The following PAWR variants were observed in gnomAD, a reference collection of about 807,000 sequenced individuals.
The protein encoded by PAWR is pro-apoptotic WT1 regulator, also known as PRKC apoptosis WT1 regulator protein.
PAWR carries 23 observed loss-of-function variants against 32.0 expected under a neutral mutation model. The ratio of observed to expected loss-of-function variants is 0.72; its 90% confidence interval spans 0.52 to 1.02. The LOEUF (loss-of-function observed/expected upper bound fraction) is 1.02, where lower values mean the gene tolerates loss of function less well. Ranked by LOEUF, PAWR falls within the 50% of genes least tolerant of loss-of-function variation. The pLI is 0.00. For synonymous variants in PAWR, 226 were observed against 187.1 expected (o/e 1.21, Z -1.70); for missense variants, 457 against 437.7 (o/e 1.04, Z -0.39).
chr12:79,647,574 T>A (rs534876863), intron 2 of PAWR, among the ~76,000 whole-genome samples: 28 of 152,288 alleles, frequency 1.8e-4, no homozygotes, highest in African/African-American at 6.7e-4. Flanking sequence ...GACAGGAGGA[T>A]AACTAGCAGC....
chr12:79,614,639 G>T (rs962755081), intron 3 of PAWR, among the ~76,000 whole-genome samples: 1 of 152,136 alleles, frequency 6.6e-6, no homozygotes, highest in African/African-American at 2.4e-5. Context: ...AAAATCAAAT[G>T]ATGTCTTTAA....
intron 2 of PAWR, among the ~76,000 whole-genome samples, chr12:79,682,695 T>C (rs938147100): frequency 1.3e-5 from 2 of 152,232 alleles, no homozygotes; most frequent in Admixed American, 6.5e-5. Context: ...TATTTTTACA[T>C]AGCCTAAGGA....
At chr12:79,659,304 A>C (rs1417230933) in intron 2 of PAWR, among the ~76,000 whole-genome samples, 2 of 152,182 alleles carry the variant, frequency 1.3e-5, no homozygotes, top group Non-Finnish European at 2.9e-5. Flanking sequence ...AAAGAAAAAA[A>C]AAAAAATCTA....
chr12:79,674,208 T>A (rs923202009), intron 2 of PAWR, among the ~76,000 whole-genome samples: 5 of 152,078 alleles, frequency 3.3e-5, no homozygotes, highest in Non-Finnish European at 5.9e-5. Context: ...AACAGACACA[T>A]GGACCAATGG....
At chr12:79,645,065 C>CACACACAT (rs1348098657) in intron 2 of PAWR, among the ~76,000 whole-genome samples, 1 of 151,782 alleles carries the variant, frequency 6.6e-6, no homozygotes, top group East Asian at 1.9e-4. Flanking sequence ...CACACACACA[C>CACACACAT]ACAAAAATCA....
intron 4 of PAWR, among the ~76,000 whole-genome samples, chr12:79,611,403 C>T (rs1309229811): frequency 6.6e-6 from 1 of 150,566 alleles, no homozygotes; most frequent in East Asian, 1.9e-4. Context: ...ACATGTGATG[C>T]CAAATTTCTA....
chr12:79,626,452 G>GGGTTCACC (rs1201685544), intron 2 of PAWR, among the ~76,000 whole-genome samples: 1 of 150,902 alleles, frequency 6.6e-6, no homozygotes, highest in Non-Finnish European at 1.5e-5. Flanking sequence ...GTAGATATGA[G>GGGTTCACC]GGTTCACCAT....
intron 2 of PAWR, among the ~76,000 whole-genome samples, chr12:79,635,267 TGGG>T (rs1256752849): frequency 6.6e-6 from 1 of 152,136 alleles, no homozygotes; most frequent in Non-Finnish European, 1.5e-5. Flanking sequence ...AGTATGTCTC[TGGG>T]GCAAGTCTCT....
intron 4 of PAWR, among the ~76,000 whole-genome samples, chr12:79,602,313 T>C (rs913239808): frequency 6.6e-6 from 1 of 152,234 alleles, no homozygotes; most frequent in Admixed American, 6.5e-5. Flanking sequence ...GATTATCTTA[T>C]ATATCACCCC....
At chr12:79,606,192 G>A (rs1874175792) in intron 4 of PAWR, among the ~76,000 whole-genome samples, 2 of 152,130 alleles carry the variant, frequency 1.3e-5, no homozygotes, top group Admixed American at 1.3e-4. Flanking sequence ...GGTTGCTGGG[G>A]GACCTAGGGG....
intron 4 of PAWR, among the ~76,000 whole-genome samples, chr12:79,599,727 C>T (rs1243125191): frequency 1.3e-5 from 2 of 152,244 alleles, no homozygotes; most frequent in African/African-American, 4.8e-5. Flanking sequence ...TCCCTAAACA[C>T]ATCAAGCTAT....
At chr12:79,665,490 A>G (rs547913533) in intron 2 of PAWR, among the ~76,000 whole-genome samples, 2 of 152,314 alleles carry the variant, frequency 1.3e-5, no homozygotes, top group East Asian at 3.9e-4. Flanking sequence ...ACGTATTTCT[A>G]TTGTATCATA....
chr12:79,623,135 T>C (rs963145982), intron 2 of PAWR, among the ~76,000 whole-genome samples: 5 of 152,032 alleles, frequency 3.3e-5, no homozygotes, highest in East Asian at 1.9e-4. Flanking sequence ...TTAAATGACA[T>C]AGGCAATTGT....
chr12:79,600,758 C>T (rs1215956102), intron 4 of PAWR, among the ~76,000 whole-genome samples: 1 of 149,008 alleles, frequency 6.7e-6, no homozygotes, highest in African/African-American at 2.5e-5. Flanking sequence ...GGATTACAGG[C>T]ATAAGCCAGC....
chr12:79,621,152 T>C lies in PAWR; in HGVS notation c.572A>G (p.Asp191Gly), dbSNP rs1874990190. The part of the protein sequence containing the change: ...EAGQKERKRE[D>G]AITQQNTIQN... ...AATAGTGTTCTGTTGTGTAATTGCA[T>C]CTTCTCGTTTCCGCTCTTTCTGCCC... Residue 191 changes from aspartate to glycine, a missense_variant, in exon 3 of 7, where the codon GAT becomes GGT. Transcript: ENST00000328827. 1.2e-6 allele frequency: 2 copies of C among 1,610,978 alleles called. No individual in the cohort carries two copies. The highest frequency in any genetic ancestry group is 2.2e-5 in the South Asian group (2 of 91,030).
intron 3 of PAWR, among the ~76,000 whole-genome samples, chr12:79,615,360 G>A (rs1016923504): frequency 1.2e-4 from 19 of 152,078 alleles, no homozygotes; most frequent in African/African-American, 4.6e-4. Context: ...AACTTCCTTA[G>A]TAATCTGCAG....
intron 4 of PAWR, among the ~76,000 whole-genome samples, chr12:79,598,410 C>T (rs1045595437): frequency 2.6e-5 from 4 of 152,184 alleles, no homozygotes; most frequent in Admixed American, 2.6e-4. Context: ...TCAACAAGCT[C>T]GGACATTCAT....
chr12:79,687,062 A>T (rs1362044215), intron 2 of PAWR, among the ~76,000 whole-genome samples: 1 of 152,214 alleles, frequency 6.6e-6, no homozygotes. Context: ...CAAATTACCC[A>T]GTTCAGGTGA....
chr12:79,616,262 C>A (rs1394500872), intron 3 of PAWR, among the ~76,000 whole-genome samples: 2 of 152,060 alleles, frequency 1.3e-5, no homozygotes. Context: ...CATCATTTCT[C>A]TCACATCTGT....
Sources: gnomAD v4.1 joint callset for allele counts (sites outside exome capture counted in the v4.1 genomes callset) on GRCh38, gnomAD v4.1.1 for gene constraint, MANE v1.5 for transcripts, NCBI Gene and HGNC (gene_info 2026-07-23, HGNC 2026-07-21) for gene names.